Variants in UGT1A7 observed in about 807,000 individuals in gnomAD.
UGT1A7 encodes UDP-glucuronosyltransferase 1A7.
A neutral mutation model predicts 45.6 loss-of-function variants in UGT1A7; 33 were observed. That is an observed-to-expected ratio of 0.72 (90% CI 0.55 to 0.97). UGT1A7 has a LOEUF of 0.97. UGT1A7 is among the 50% of genes least tolerant of loss of function. UGT1A7 has a pLI of 0.00. For synonymous variants in UGT1A7, 274 were observed against 250.6 expected (o/e 1.09, Z -0.88); for missense variants, 684 against 666.2 (o/e 1.03, Z -0.29).
chr2:233,711,532 G>T (rs1296354324), intron 1 of UGT1A7, among the ~76,000 whole-genome samples: 2 of 152,124 alleles, frequency 1.3e-5, no homozygotes, highest in African/African-American at 4.8e-5. Flanking sequence ...ACAACTCCCC[G>T]GGAATCATCC....
chr2:233,685,436 G>A (rs2074738405), intron 1 of UGT1A7, among the ~76,000 whole-genome samples: 2 of 151,396 alleles, frequency 1.3e-5, no homozygotes, highest in African/African-American at 2.4e-5. Context: ...TAAAGAATTC[G>A]AGCTGAATCT....
At chr2:233,721,074 A>G (rs2076920580) in intron 1 of UGT1A7, among the ~76,000 whole-genome samples, 1 of 152,036 alleles carries the variant, frequency 6.6e-6, no homozygotes, top group African/African-American at 2.4e-5. Flanking sequence ...AATTTATATG[A>G]ACTTCCATGA....
chr2:233,715,086 A>G (rs1197035680), intron 1 of UGT1A7, among the ~76,000 whole-genome samples: 1 of 152,066 alleles, frequency 6.6e-6, no homozygotes, highest in Non-Finnish European at 1.5e-5. Flanking sequence ...GAGTTTCATC[A>G]TATTGGCCAG....
chr2:233,690,603 G>A (rs1332759487), intron 1 of UGT1A7: 13 of 1,289,150 alleles, frequency 1.0e-5, no homozygotes, highest in East Asian at 5.6e-5. Context: ...AAAAAAAATC[G>A]GCCTTTGCCT....
intron 1 of UGT1A7, among the ~76,000 whole-genome samples, chr2:233,750,335 T>C (rs1295665958): frequency 6.6e-6 from 1 of 151,930 alleles, no homozygotes; most frequent in Non-Finnish European, 1.5e-5. Context: ...TTCAGAGAGA[T>C]GATCTGAAAT....
At chr2:233,698,178 TATG>T (rs768933857) in intron 1 of UGT1A7, among the ~76,000 whole-genome samples, 4 of 152,222 alleles carry the variant, frequency 2.6e-5, no homozygotes, top group Non-Finnish European at 5.9e-5. Flanking sequence ...CATTCTGTAT[TATG>T]ATATGTAATT....
chr2:233,691,318 C>T lies in UGT1A7; in HGVS notation c.855+8526C>T, dbSNP rs28898575. 2.2e-3 allele frequency: 2,162 copies of T among 985,518 alleles called. 49 individuals are homozygous for T. In the African/African-American group the frequency reaches 0.035, roughly 16 times the overall value. The allele number at this position is 985,518 out of a possible 1,614,324, so 61.0% of individuals were successfully genotyped here. A position where few individuals can be genotyped will look rare whatever the true frequency, so the allele number is the denominator to read the frequency against. ...TGCCAATCCTCTTGGGAGGCTGCTC[C>T]CAGCTTGGACTGAGCTGAGTCTTCG... On this transcript the variant is annotated intron_variant, in intron 1 of 4. Coordinates refer to ENST00000373426, the MANE Select transcript of UGT1A7 (RefSeq NM_019077.3).
chr2:233,711,299 T>C (rs2076172959), intron 1 of UGT1A7, among the ~76,000 whole-genome samples: 1 of 152,116 alleles, frequency 6.6e-6, no homozygotes, highest in South Asian at 2.1e-4. Context: ...GAGTAGAAAT[T>C]AGATGACATT....
chr2:233,727,660 A>G (rs1325777939), intron 1 of UGT1A7, among the ~76,000 whole-genome samples: 2 of 152,150 alleles, frequency 1.3e-5, no homozygotes, highest in Admixed American at 6.5e-5. Context: ...CTAGTGCTCT[A>G]TGTCCTTACA....
chr2:233,713,830 A>C (rs1248419431), intron 1 of UGT1A7: 8 of 1,613,954 alleles, frequency 5.0e-6, no homozygotes, highest in Non-Finnish European at 6.8e-6. Context: ...GGGGGCATCA[A>C]CTGTGCCAAC....
chr2:233,769,852 T>G lies in UGT1A7; in HGVS notation c.1295+1413T>G. On this transcript the variant is annotated intron_variant, in intron 4 of 4. Transcript: ENST00000373426. The surrounding 1 kb of genome is among the most constrained non-coding windows in gnomAD (Gnocchi z 4.4). ...CAACCTGGGCAACAGAGTGAGACCC[T>G]GTCTCAAAAAAAAAAAAAAAAATGA... 1.1e-5 allele frequency: 5 copies of G among 461,196 alleles called. No homozygotes were observed. Among genetic ancestry groups the G allele is most frequent in the Non-Finnish European group, 1.0e-5 (3 of 289,680 alleles). 28.6% of individuals were successfully genotyped at this position (461,196 alleles called of 1,614,324 possible).
intron 4 of UGT1A7, among the ~76,000 whole-genome samples, chr2:233,768,709 T>G (rs1699703660): frequency 6.6e-6 from 1 of 151,010 alleles, no homozygotes; most frequent in African/African-American, 2.4e-5. Context: ...TCAGCCTCCG[T>G]GTAGCTGGGA....
At chr2:233,706,566 G>A (rs1311668869) in intron 1 of UGT1A7, among the ~76,000 whole-genome samples, 1 of 152,154 alleles carries the variant, frequency 6.6e-6, no homozygotes, top group African/African-American at 2.4e-5. Flanking sequence ...TCAAACCTTA[G>A]GGTAAGAGTG....
Position 233,682,647 on chromosome 2 carries a change from C to T in UGT1A7, c.710C>T (p.Thr237Ile). ...GAAATAGCCTCTGAAATTCTCCAAACCCCTGTCACGGCATATGATCTCTAC... is the reference window on the plus strand; with the variant it reads ...GAAATAGCCTCTGAAATTCTCCAAATCCCTGTCACGGCATATGATCTCTAC... ...VLEIASEILQ[T>I]PVTAYDLYSH... The change falls in exon 1 of 5, where the codon ACC becomes ATC. Residue 237 changes from threonine to isoleucine, a missense_variant. Physicochemically the swap from Thr to Ile is moderately conservative, Grantham distance 89 (BLOSUM62 -1). Transcript: ENST00000373426. 6.2e-7 allele frequency: 1 copy of T among 1,613,922 alleles called. No homozygotes were observed. The highest frequency in any genetic ancestry group is 8.5e-7 in the Non-Finnish European group (1 of 1,179,846).
chr2:233,752,487 A>G (rs551015085), intron 1 of UGT1A7: 1 of 152,342 alleles, frequency 6.6e-6, no homozygotes, highest in South Asian at 2.1e-4. Context: ...TATGTTTTTG[A>G]GATGAGACAT....
At chr2:233,729,148 C>T (rs1366354347) in intron 1 of UGT1A7, 5 of 1,613,474 alleles carry the variant, frequency 3.1e-6, no homozygotes, top group Non-Finnish European at 4.2e-6. Context: ...ACTCCAGGTT[C>T]CCCTGCCGTG....
intron 1 of UGT1A7, chr2:233,729,807 T>C: frequency 6.2e-7 from 1 of 1,613,974 alleles, no homozygotes; most frequent in Non-Finnish European, 8.5e-7. Context: ...GCCATGCTTT[T>C]TCTGCTCCTT....
intron 3 of UGT1A7, 35 bp downstream of exon 3, chr2:233,767,971 A>C (rs71537802): frequency 2.1e-4 from 336 of 1,614,092 alleles, no homozygotes; most frequent in Non-Finnish European, 2.7e-4. Context: ...AGGTCAAACC[A>C]GGGTCAAATT....
chr2:233,769,773 T>C lies in UGT1A7; in HGVS notation c.1295+1334T>C. 4 of 1,392,024 alleles carry C rather than the reference T, an allele frequency of 2.9e-6. No individual in the cohort carries two copies. Among genetic ancestry groups the C allele is most frequent in the Non-Finnish European group, 2.8e-6 (3 of 1,065,432 alleles). 86.2% of individuals were successfully genotyped at this position (1,392,024 alleles called of 1,614,324 possible). A position where few individuals can be genotyped will look rare whatever the true frequency, so the allele number is the denominator to read the frequency against. ...TGGAGGCTAAGGCGGGAGGATTGCTTGAGCCCAGAAGTTGGAGGCTGCTAT... is the reference window on the plus strand; with the variant it reads ...TGGAGGCTAAGGCGGGAGGATTGCTCGAGCCCAGAAGTTGGAGGCTGCTAT... On this transcript the variant is annotated intron_variant, in intron 4 of 4. Transcript: ENST00000373426. This position sits in a 1 kb window ranked among gnomAD's most constrained non-coding sequence, Gnocchi z 4.4.
Sources: gnomAD v4.1 joint callset for allele counts (sites outside exome capture counted in the v4.1 genomes callset) on GRCh38, gnomAD v4.1.1 for gene constraint, Gnocchi (gnomAD v3.1) non-coding constraint, MANE v1.5 for transcripts, NCBI Gene and HGNC (gene_info 2026-07-23, HGNC 2026-07-21) for gene names.